NUBPL: variants seen among roughly 807,000 people sequenced by gnomAD.
NUBPL encodes NUBP iron-sulfur cluster assembly factor, mitochondrial, also known as iron-sulfur cluster transfer protein NUBPL.
Under a neutral mutation model 45.7 loss-of-function variants are expected in NUBPL, and 31 were observed. That is an observed-to-expected ratio of 0.68 (90% CI 0.51 to 0.92). NUBPL has a LOEUF of 0.92. NUBPL is among the 40% of genes least tolerant of loss of function. NUBPL has a pLI of 0.00. For synonymous variants in NUBPL, 144 were observed against 140.9 expected (o/e 1.02, Z -0.15); for missense variants, 401 against 398.7 (o/e 1.01, Z -0.05).
chr14:31,727,434 G>A (rs1039131540), intron 6 of NUBPL, among the ~76,000 whole-genome samples: 5 of 152,188 alleles, frequency 3.3e-5, no homozygotes, highest in African/African-American at 1.2e-4. Flanking sequence ...TTAGTGGTTT[G>A]TAACTGTCAA....
At chr14:31,565,758 A>T (rs1327948546) in intron 3 of NUBPL, among the ~76,000 whole-genome samples, 1 of 152,032 alleles carries the variant, frequency 6.6e-6, no homozygotes, top group Non-Finnish European at 1.5e-5. Context: ...TTTTTGTAGG[A>T]TAGATTCCTA....
At chr14:31,617,334 G>C (rs919862446) in intron 4 of NUBPL, among the ~76,000 whole-genome samples, 18 of 152,176 alleles carry the variant, frequency 1.2e-4, no homozygotes, top group Non-Finnish European at 2.1e-4. Context: ...TGGTGAAAGA[G>C]AGCATCCTTG....
chr14:31,851,037 C>T (rs1428501877), intron 10 of NUBPL, among the ~76,000 whole-genome samples: 1 of 152,054 alleles, frequency 6.6e-6, no homozygotes, highest in Non-Finnish European at 1.5e-5. Context: ...GATAGATTTT[C>T]AAAATTACTG....
intron 4 of NUBPL, among the ~76,000 whole-genome samples, chr14:31,666,260 TATA>T (rs2036418860): frequency 7.3e-5 from 2 of 27,414 alleles, no homozygotes; most frequent in East Asian, 1.7e-3. Context: ...TATATATATA[TATA>T]ATTTTATTTT....
At chr14:31,848,263 A>G (rs1162947057) in intron 9 of NUBPL, among the ~76,000 whole-genome samples, 1 of 152,212 alleles carries the variant, frequency 6.6e-6, no homozygotes, top group East Asian at 1.9e-4. Context: ...TAATGTAGTC[A>G]TGGGTCCCAT....
chr14:31,830,807 T>A (rs1471713895), intron 8 of NUBPL, among the ~76,000 whole-genome samples: 1 of 152,144 alleles, frequency 6.6e-6, no homozygotes, highest in Non-Finnish European at 1.5e-5. Context: ...CTGTTCCCTT[T>A]ACCCCAACTC....
chr14:31,699,936 A>G (rs1354634235), intron 6 of NUBPL, among the ~76,000 whole-genome samples: 1 of 152,226 alleles, frequency 6.6e-6, no homozygotes, highest in Non-Finnish European at 1.5e-5. Context: ...TGTTCTTACC[A>G]TAATGAAATT....
rs569571676 is a variant in NUBPL, at chr14:31,792,235, T to TA, written c.607+4369dup. On this transcript the variant is annotated intron_variant, in intron 7 of 10. Coordinates refer to ENST00000281081, the MANE Select transcript of NUBPL (RefSeq NM_025152.3). Reference sequence around the variant, plus strand: ...TTATTCTAATCTAGGTAATCCCTGATAAAAAAATAAATTTATCTGTGAATA... The same window carrying TA: ...TTATTCTAATCTAGGTAATCCCTGATAAAAAAAATAAATTTATCTGTGAATA... Among the ~76,000 whole-genome samples the TA allele has an allele frequency of 2.4e-3, 358 of 152,272 alleles. 2 individuals carry two copies. The highest frequency in any genetic ancestry group is 8.3e-3 in the African/African-American group (343 of 41,550).
At chr14:31,730,154 T>C (rs185529672) in intron 6 of NUBPL, among the ~76,000 whole-genome samples, 1 of 152,296 alleles carries the variant, frequency 6.6e-6, no homozygotes. Context: ...GAAAAATAGA[T>C]TTTTACAATT....
chr14:31,575,944 A>G (rs1443369643), intron 3 of NUBPL, among the ~76,000 whole-genome samples: 1 of 152,234 alleles, frequency 6.6e-6, no homozygotes, highest in Non-Finnish European at 1.5e-5. Context: ...TTCAAAGGCA[A>G]TTCTTGGTAA....
chr14:31,618,542 T>C (rs1020081734), intron 4 of NUBPL, among the ~76,000 whole-genome samples: 2 of 152,212 alleles, frequency 1.3e-5, no homozygotes, highest in East Asian at 3.8e-4. Context: ...ATTTACCCAG[T>C]AGTCATTCAG....
Position 31,839,281 on chromosome 14 carries a change from A to G in NUBPL, c.694-7190A>G, listed in dbSNP as rs943859609. Among the ~76,000 whole-genome samples the G allele has an allele frequency of 2.0e-5, 3 of 152,322 alleles. No homozygotes were observed. The East Asian group carries it at 5.8e-4, about 29-fold the overall frequency. Reference sequence around the variant, plus strand: ...AACATACCCACTGTTTGTATCCCAGAAATAGAACAATAGAGAGCCTAGACA... The same window carrying G: ...AACATACCCACTGTTTGTATCCCAGGAATAGAACAATAGAGAGCCTAGACA... On this transcript the variant is annotated intron_variant, in intron 8 of 10. Coordinates refer to ENST00000281081, the MANE Select transcript of NUBPL (RefSeq NM_025152.3).
In NUBPL at chr14:31,809,057, G is replaced by A. The variant is rs563691501; in HGVS notation, c.608-17572G>A. Among the ~76,000 whole-genome samples the A allele has an allele frequency of 1.2e-4, 18 of 148,502 alleles. No homozygotes were observed. In the East Asian group the frequency reaches 2.9e-3, roughly 24 times the overall value. Reference sequence around the variant, plus strand: ...AGGATTTTTGCATCGATGTTCATCAGGGATATTGGTCTAAAATTCTCTTTT... The same window carrying A: ...AGGATTTTTGCATCGATGTTCATCAAGGATATTGGTCTAAAATTCTCTTTT... On this transcript the variant is annotated intron_variant, in intron 7 of 10. Transcript: ENST00000281081.
At chr14:31,662,955 C>T (rs2036310796) in intron 4 of NUBPL, among the ~76,000 whole-genome samples, 2 of 152,220 alleles carry the variant, frequency 1.3e-5, no homozygotes. Context: ...GAGATGCTAT[C>T]TCATTGTGGT....
chr14:31,826,132 T>A (rs988092957), intron 7 of NUBPL, among the ~76,000 whole-genome samples: 14 of 152,294 alleles, frequency 9.2e-5, no homozygotes, highest in African/African-American at 2.9e-4. Flanking sequence ...ATTTTATTTT[T>A]TGTTTTGAGA....
intron 6 of NUBPL, among the ~76,000 whole-genome samples, chr14:31,743,646 C>A (rs1383576055): frequency 6.6e-6 from 1 of 152,168 alleles, no homozygotes; most frequent in Non-Finnish European, 1.5e-5. Context: ...TCCGAAAGTG[C>A]TGGGATTAGA....
Position 31,599,338 on chromosome 14 carries a change from C to G in NUBPL, c.341C>G (p.Pro114Arg), listed in dbSNP as rs949928537. 2.5e-6 allele frequency: 4 copies of G among 1,612,610 alleles called. No individual in the cohort carries two copies. Among genetic ancestry groups the G allele is most frequent in the African/African-American group, 1.3e-5 (1 of 74,828 alleles). ...LDVDVYGPSV[P>R]KMMNLKGNPE... ...GTGGATGTGTATGGACCTTCAGTTC[C>G]AAAGATGATGAATCTGAAAGGAAAT... The change falls in exon 4 of 11, where the codon CCA becomes CGA. Residue 114 changes from proline to arginine, a missense_variant. Pro to Arg is a moderately radical substitution (Grantham distance 103). Coordinates refer to ENST00000281081, the MANE Select transcript of NUBPL (RefSeq NM_025152.3).
chr14:31,640,658 A>G (rs912686394), intron 4 of NUBPL, among the ~76,000 whole-genome samples: 2 of 151,812 alleles, frequency 1.3e-5, no homozygotes, highest in Admixed American at 6.6e-5. Flanking sequence ...TTAATCATCA[A>G]ATTCCCTTAA....
At chr14:31,824,597 A>G (rs747476954) in intron 7 of NUBPL, among the ~76,000 whole-genome samples, 1 of 152,126 alleles carries the variant, frequency 6.6e-6, no homozygotes, top group Non-Finnish European at 1.5e-5. Context: ...ACAGCTAACT[A>G]CTACTGTATA....
Sources: allele counts gnomAD v4.1 joint callset (sites outside exome capture counted in the v4.1 genomes callset), GRCh38; gene constraint gnomAD v4.1.1; transcripts MANE v1.5; gene names NCBI Gene and HGNC (gene_info 2026-07-23, HGNC 2026-07-21).